The following RIMS1 variants were observed in gnomAD, a reference collection of about 807,000 sequenced individuals.
The protein encoded by RIMS1 is regulating synaptic membrane exocytosis 1.
RIMS1 carries 83 observed loss-of-function variants against 214.1 expected under a neutral mutation model. That is an observed-to-expected ratio of 0.39 (90% CI 0.32 to 0.47). The LOEUF (loss-of-function observed/expected upper bound fraction) is 0.47, where lower values mean the gene tolerates loss of function less well. RIMS1 is among the 20% of genes least tolerant of loss of function. RIMS1 has a pLI of 0.99. For missense variants in RIMS1, 2,050 were observed against 2,161.8 expected (o/e 0.95, Z 1.03); for synonymous variants, 793 against 786.8 (o/e 1.01, Z -0.13).
At chr6:72,187,565 C>T (rs1182603956) in intron 6 of RIMS1, among the ~76,000 whole-genome samples, 2 of 145,608 alleles carry the variant, frequency 1.4e-5, no homozygotes, top group Non-Finnish European at 3.0e-5. Context: ...CAACCTCTGC[C>T]TCCCTGCAAC....
chr6:71,969,213 C>A, intron 2 of RIMS1, 150 bp downstream of exon 2: 1 of 762,656 alleles, frequency 1.3e-6, no homozygotes, highest in Non-Finnish European at 2.3e-6. Context: ...ATAAAATTAG[C>A]TGAGCTCTGG....
At chr6:72,015,136 A>G (rs933639071) in intron 2 of RIMS1, among the ~76,000 whole-genome samples, 5 of 152,330 alleles carry the variant, frequency 3.3e-5, no homozygotes, top group South Asian at 2.1e-4. Context: ...TTTATATTTC[A>G]TATACACATT....
chr6:71,981,835 C>T (rs1030475669), intron 2 of RIMS1, among the ~76,000 whole-genome samples: 2 of 152,048 alleles, frequency 1.3e-5, no homozygotes, highest in African/African-American at 2.4e-5. Flanking sequence ...TGTCTCCCCA[C>T]CTGCAGTGTT....
intron 29 of RIMS1, among the ~76,000 whole-genome samples, chr6:72,360,779 G>A (rs909618367): frequency 4.7e-5 from 7 of 149,786 alleles, no homozygotes; most frequent in East Asian, 1.9e-4. Context: ...AAAAGACGGC[G>A]TTTTATTTTT....
Position 72,400,551 on chromosome 6 carries a change from C to T in RIMS1, c.4916C>T (p.Ala1639Val). 1 of 1,614,012 alleles carries T rather than the reference C, an allele frequency of 6.2e-7. No homozygotes were observed. The highest frequency in any genetic ancestry group is 8.5e-7 in the Non-Finnish European group (1 of 1,179,940). The change falls in exon 34 of 34, where the codon GCT becomes GTT. Residue 1639 changes from alanine to valine, a missense_variant. Around this residue, in one of 6 missense-constraint regions of RIMS1, gnomAD observed 14 missense variants for 52.9 expected, o/e 0.26. Transcript: ENST00000521978. ...GACCACAAATGCTTTATGGGTGTGG[C>T]TCAGATCTTGTTGGAAGAACTCGAC... ...RMDHKCFMGV[A>V]QILLEELDLS...
chr6:72,327,210 A>G (rs2096504044), intron 28 of RIMS1, among the ~76,000 whole-genome samples: 2 of 151,920 alleles, frequency 1.3e-5, no homozygotes, highest in Admixed American at 1.3e-4. Context: ...CTGAATGCGT[A>G]TAGACACTTT....
intron 2 of RIMS1, among the ~76,000 whole-genome samples, chr6:72,064,697 TA>T (rs57445711): frequency 1 from 152,201 of 152,228 alleles, 76,087 homozygotes; most frequent in Middle Eastern, 1. Context: ...TGATGAAGTT[TA>T]AAAAAAAATG....
chr6:72,163,504 C>T (rs2045781400), intron 4 of RIMS1, among the ~76,000 whole-genome samples: 1 of 140,672 alleles, frequency 7.1e-6, no homozygotes, highest in Admixed American at 7.3e-5. Context: ...TTTTCCCCAC[C>T]TTTGTGGTTT....
chr6:72,392,036 CA>C (rs2098711041), intron 30 of RIMS1, among the ~76,000 whole-genome samples: 1 of 152,076 alleles, frequency 6.6e-6, no homozygotes, highest in Non-Finnish European at 1.5e-5. Context: ...TATGCTCATT[CA>C]AAAAATGCTT....
intron 29 of RIMS1, among the ~76,000 whole-genome samples, chr6:72,361,143 C>CT (rs2097804773): frequency 9.4e-6 from 1 of 106,748 alleles, no homozygotes; most frequent in East Asian, 3.2e-4. Flanking sequence ...GATTCTCACT[C>CT]TGTTGCCCAG....
chr6:72,373,521 T>C (rs955329930), intron 29 of RIMS1, among the ~76,000 whole-genome samples: 1 of 152,216 alleles, frequency 6.6e-6, no homozygotes, highest in African/African-American at 2.4e-5. Context: ...TTATAGTCAA[T>C]TTAGGACAAT....
intron 10 of RIMS1, among the ~76,000 whole-genome samples, chr6:72,243,264 G>T (rs1213113550): frequency 1.3e-5 from 2 of 151,304 alleles, no homozygotes; most frequent in African/African-American, 4.8e-5. Context: ...CCTTTAATTT[G>T]TATCGGCCTC....
At chr6:72,119,564 T>A (rs141627043) in intron 4 of RIMS1, among the ~76,000 whole-genome samples, 2,557 of 151,964 alleles carry the variant, frequency 0.017, 71 homozygotes, top group Non-Finnish European at 0.023. Flanking sequence ...ACTACAAGGC[T>A]ATAGTTACTA....
chr6:71,903,961 A>C (rs886736467), intron 1 of RIMS1, among the ~76,000 whole-genome samples: 1 of 152,176 alleles, frequency 6.6e-6, no homozygotes, highest in East Asian at 1.9e-4. Context: ...ATAAATTGGC[A>C]TTCTTCCAAC....
chr6:72,186,839 A>G (rs2049184983), intron 6 of RIMS1, among the ~76,000 whole-genome samples: 1 of 151,880 alleles, frequency 6.6e-6, no homozygotes, highest in South Asian at 2.1e-4. Context: ...CAATTAAGAA[A>G]GCTCATTCTG....
In RIMS1 at chr6:72,252,753, T is replaced by TTG; in HGVS notation, c.2699-5_2699-4dup. 2.6e-6 allele frequency: 4 copies of TTG among 1,556,092 alleles called. No homozygotes were observed. The highest frequency in any genetic ancestry group is 3.5e-6 in the Non-Finnish European group (4 of 1,148,418). On this transcript the variant is annotated splice_region_variant and splice_polypyrimidine_tract_variant and intron_variant, in intron 15 of 33. Transcript: ENST00000521978. ...ACAGAAGTATCTCTTTGCCTTACTGTTGTGCAGGATCTCAGCGAATCAGTG... is the reference window on the plus strand; with the variant it reads ...ACAGAAGTATCTCTTTGCCTTACTGTTGTGTGCAGGATCTCAGCGAATCAGTG...
chr6:72,341,780 C>A (rs77288361), intron 29 of RIMS1, among the ~76,000 whole-genome samples: 2,066 of 151,748 alleles, frequency 0.014, 49 homozygotes, highest in African/African-American at 0.048. Flanking sequence ...GATCTAAGTC[C>A]CTAGGATGAG....
At chr6:71,908,924 C>T (rs1776095061) in intron 1 of RIMS1, among the ~76,000 whole-genome samples, 2 of 152,142 alleles carry the variant, frequency 1.3e-5, no homozygotes, top group South Asian at 4.1e-4. Context: ...AGAAAATCAA[C>T]AATAATTTAA....
intron 10 of RIMS1, among the ~76,000 whole-genome samples, chr6:72,244,340 A>C (rs1470227968): frequency 6.6e-6 from 1 of 151,816 alleles, no homozygotes; most frequent in African/African-American, 2.4e-5. Context: ...TATGCCTGAA[A>C]ATATTGCTGA....
Sources: gnomAD v4.1 joint callset for allele counts (sites outside exome capture counted in the v4.1 genomes callset) on GRCh38, gnomAD v4.1.1 for gene constraint, gnomAD v4.1.1 regional missense constraint, MANE v1.5 for transcripts, NCBI Gene and HGNC (gene_info 2026-07-23, HGNC 2026-07-21) for gene names.